The following PPP6R3 variants were observed in gnomAD, a reference collection of about 807,000 sequenced individuals.
The protein encoded by PPP6R3 is serine/threonine-protein phosphatase 6 regulatory subunit 3.
A neutral mutation model predicts 110.7 loss-of-function variants in PPP6R3; 38 were observed. The observed-to-expected ratio is 0.34, with a 90% confidence interval of 0.26 to 0.45. The LOEUF (loss-of-function observed/expected upper bound fraction) is 0.45. PPP6R3 is among the 20% of genes least tolerant of loss of function. PPP6R3 has a pLI of 1.00. For missense variants in PPP6R3, 870 were observed against 1,062.4 expected, an observed-to-expected ratio of 0.82 and a Z score of 2.52; for synonymous variants, 369 against 373.5, an observed-to-expected ratio of 0.99 and a Z score of 0.14.
At chr11:68,487,062 T>C (rs1156821481) in intron 1 of PPP6R3, among the ~76,000 whole-genome samples, 1 of 152,180 alleles carries the variant, frequency 6.6e-6, no homozygotes, top group African/African-American at 2.4e-5. Flanking sequence ...TGATTTCCTG[T>C]TTTCAGTTTC....
chr11:68,565,755 G>A (rs1565883088), intron 9 of PPP6R3, among the ~76,000 whole-genome samples: 1 of 148,430 alleles, frequency 6.7e-6, no homozygotes, highest in Non-Finnish European at 1.5e-5. Context: ...AGTTCCGTTT[G>A]CACCTGGTTT....
At chr11:68,502,205 T>G (rs1482633214) in intron 1 of PPP6R3, among the ~76,000 whole-genome samples, 1 of 152,196 alleles carries the variant, frequency 6.6e-6, no homozygotes, top group Non-Finnish European at 1.5e-5. Context: ...ACGCATAAAA[T>G]TAATTTTAAT....
At chr11:68,601,287 T>G (rs2153937690) in intron 20 of PPP6R3, among the ~76,000 whole-genome samples, 1 of 152,336 alleles carries the variant, frequency 6.6e-6, no homozygotes, top group Admixed American at 6.5e-5. Flanking sequence ...AGCTTGCTTC[T>G]CTTTACCCTC....
chr11:68,558,345 G>C, intron 7 of PPP6R3: 1 of 308,284 alleles, frequency 3.2e-6, no homozygotes, highest in Non-Finnish European at 5.9e-6. Context: ...GAAAGAGATA[G>C]AAGGGTGAGT....
chr11:68,464,465 C>G (rs1198921726), intron 1 of PPP6R3, among the ~76,000 whole-genome samples: 1 of 152,124 alleles, frequency 6.6e-6, no homozygotes, highest in Non-Finnish European at 1.5e-5. Flanking sequence ...TCAGACAATA[C>G]TGAAATGCAG....
chr11:68,508,996 G>A (rs994145958), intron 1 of PPP6R3, among the ~76,000 whole-genome samples: 14 of 152,176 alleles, frequency 9.2e-5, no homozygotes, highest in African/African-American at 3.4e-4. Flanking sequence ...ATAGTCTAAT[G>A]CTGTCAACTA....
At chr11:68,465,783 A>G (rs989087146) in intron 1 of PPP6R3, among the ~76,000 whole-genome samples, 2 of 152,260 alleles carry the variant, frequency 1.3e-5, no homozygotes, top group Non-Finnish European at 2.9e-5. Context: ...CTGGGAGGAA[A>G]GAGCTTCTGT....
In PPP6R3 at chr11:68,569,731, G is replaced by T. The variant is rs2099495273; in HGVS notation, c.1129-17G>T. 1.9e-6 allele frequency: 3 copies of T among 1,559,286 alleles called. No individual in the cohort carries two copies. Among genetic ancestry groups the T allele is most frequent in the South Asian group, 2.4e-5 (2 of 84,144 alleles). Reference sequence around the variant, plus strand: ...CATTGAGGTAACCGAATAAAACATGGTTTTTCTTTTTTGTAGAACATGTTC... The same window carrying T: ...CATTGAGGTAACCGAATAAAACATGTTTTTTCTTTTTTGTAGAACATGTTC... On this transcript the variant is annotated splice_polypyrimidine_tract_variant and intron_variant, in intron 10 of 23. Coordinates refer to ENST00000393800, the MANE Select transcript of PPP6R3 (RefSeq NM_001164161.2).
At chr11:68,530,316 T>C (rs2099230428) in intron 2 of PPP6R3, among the ~76,000 whole-genome samples, 1 of 148,168 alleles carries the variant, frequency 6.7e-6, no homozygotes, top group Admixed American at 6.6e-5. Context: ...CAGCGTGTGC[T>C]TGCATGTCTT....
intron 5 of PPP6R3, among the ~76,000 whole-genome samples, chr11:68,548,582 A>G (rs1406435631): frequency 6.6e-6 from 1 of 152,166 alleles, no homozygotes; most frequent in African/African-American, 2.4e-5. Flanking sequence ...GTATGTTATG[A>G]GGCCACGCTC....
chr11:68,532,995 G>A (rs4930231), intron 2 of PPP6R3, among the ~76,000 whole-genome samples: 152,139 of 152,362 alleles, frequency 1, 75,959 homozygotes, highest in Middle Eastern at 1. Context: ...TGTGTAGTCT[G>A]GGTTGTGAAT....
intron 2 of PPP6R3, among the ~76,000 whole-genome samples, chr11:68,527,452 C>G (rs1230306580): frequency 6.6e-6 from 1 of 152,178 alleles, no homozygotes; most frequent in East Asian, 1.9e-4. Context: ...TCATCCCCTT[C>G]TTTCCTGTCC....
intron 16 of PPP6R3, among the ~76,000 whole-genome samples, chr11:68,588,696 C>T (rs1440223002): frequency 2.0e-5 from 3 of 150,556 alleles, no homozygotes; most frequent in African/African-American, 4.9e-5. Context: ...CCGCCTGCCT[C>T]GGCTTCCCAT....
chr11:68,524,437 A>T (rs2099185149), intron 2 of PPP6R3, among the ~76,000 whole-genome samples: 1 of 152,042 alleles, frequency 6.6e-6, no homozygotes, highest in Non-Finnish European at 1.5e-5. Context: ...GTGTGACGTG[A>T]TGTGCTCAGG....
intron 10 of PPP6R3, among the ~76,000 whole-genome samples, chr11:68,568,351 AAT>A (rs1047469793): frequency 6.6e-6 from 1 of 152,154 alleles, no homozygotes; most frequent in African/African-American, 2.4e-5. Flanking sequence ...TTATTCTGTT[AAT>A]CTTTAGGACT....
intron 3 of PPP6R3, among the ~76,000 whole-genome samples, chr11:68,544,082 G>T (rs1348580541): frequency 2.0e-5 from 3 of 152,214 alleles, no homozygotes; most frequent in Non-Finnish European, 4.4e-5. Context: ...GAAGGCTGAT[G>T]TGGAGAGCAC....
intron 1 of PPP6R3, among the ~76,000 whole-genome samples, chr11:68,480,025 C>T (rs1309370709): frequency 6.6e-6 from 1 of 151,928 alleles, no homozygotes; most frequent in Non-Finnish European, 1.5e-5. Flanking sequence ...AATTATCGCG[C>T]CTGGCCTGGT....
chr11:68,608,014 C>A (rs192647817), intron 22 of PPP6R3, among the ~76,000 whole-genome samples: 3 of 148,602 alleles, frequency 2.0e-5, no homozygotes. Context: ...AGTGAGCCTC[C>A]TTCCTCGGCA....
rs780980790 is a variant in PPP6R3 at position 68,596,133 on chromosome 11, T to C, written c.1953T>C (p.Ser651=). ...CAGACAGTGAGGAAAGTACAGACTC[T>C]GAAGAAGAAGATGGAGCAAAGCAAG... The part of the protein sequence containing the change: ...GSTDSEESTD[S]EEEDGAKQDL... The change falls in exon 19 of 24, where the codon TCT becomes TCC. Residue 651 remains serine, a synonymous_variant. Transcript: ENST00000393800. 7.4e-6 allele frequency: 12 copies of C among 1,614,096 alleles called. No individual in the cohort carries two copies. The Admixed American group carries it at 2.0e-4, about 27-fold the overall frequency.
Sources: allele counts gnomAD v4.1 joint callset (sites outside exome capture counted in the v4.1 genomes callset), GRCh38; gene constraint gnomAD v4.1.1; transcripts MANE v1.5; gene names NCBI Gene and HGNC (gene_info 2026-07-23, HGNC 2026-07-21).